LYPD6: variants seen among roughly 807,000 people sequenced by gnomAD.
LYPD6 encodes ly6/PLAUR domain-containing protein 6.
In LYPD6, 15 loss-of-function variants were observed where a neutral mutation model predicts 22.7. The ratio of observed to expected loss-of-function variants is 0.66; its 90% CI spans 0.44 to 1.02. The LOEUF (loss-of-function observed/expected upper bound fraction) is 1.02. LYPD6 is among the 50% of genes least tolerant of loss of function. The pLI, the probability that LYPD6 is intolerant of heterozygous loss-of-function variation, is 0.00. For synonymous variants in LYPD6, 72 were observed against 77.5 expected (o/e 0.93, Z 0.37); for missense variants, 189 against 208.4 (o/e 0.91, Z 0.57).
Position 149,425,387 on chromosome 2 carries a change from A to G in LYPD6, c.-71-12251A>G, listed in dbSNP as rs148007929. Reference sequence around the variant, plus strand: ...ATGCTAGAACTATTAACAATAATGTATATAACAGATACTGTTATCTATGCC... The same window carrying G: ...ATGCTAGAACTATTAACAATAATGTGTATAACAGATACTGTTATCTATGCC... On this transcript the variant is annotated intron_variant, in intron 1 of 4. Coordinates refer to ENST00000334166, the MANE Select transcript of LYPD6 (RefSeq NM_194317.5). Among the ~76,000 whole-genome samples, 194 of 152,376 alleles carry G rather than the reference A, an allele frequency of 1.3e-3. 2 individuals carry two copies. The highest frequency in any genetic ancestry group is 6.0e-4 in the Non-Finnish European group (41 of 68,040).
chr2:149,398,413 TTGTGTG>T (rs10584410), intron 1 of LYPD6, among the ~76,000 whole-genome samples: 2,053 of 147,012 alleles, frequency 0.014, 24 homozygotes, highest in African/African-American at 0.032. Flanking sequence ...AAAGATGGCT[TTGTGTG>T]TGTGTGTGTG....
intron 1 of LYPD6, among the ~76,000 whole-genome samples, chr2:149,352,314 A>G (rs1328270419): frequency 1.3e-5 from 2 of 152,112 alleles, no homozygotes; most frequent in Non-Finnish European, 2.9e-5. Flanking sequence ...AACTGGTGGT[A>G]TTTCTTTTTA....
intron 1 of LYPD6, among the ~76,000 whole-genome samples, chr2:149,331,979 T>A (rs1041150798): frequency 1.3e-5 from 2 of 152,204 alleles, no homozygotes; most frequent in Non-Finnish European, 2.9e-5. Context: ...TGTTTAAAAT[T>A]TTGGATCTGC....
chr2:149,359,555 G>C (rs1681529548), intron 1 of LYPD6, among the ~76,000 whole-genome samples: 1 of 152,120 alleles, frequency 6.6e-6, no homozygotes. Flanking sequence ...CTTCACAGTT[G>C]GTGAAACCAA....
chr2:149,359,635 G>A (rs1681531475), intron 1 of LYPD6, among the ~76,000 whole-genome samples: 1 of 152,212 alleles, frequency 6.6e-6, no homozygotes, highest in African/African-American at 2.4e-5. Flanking sequence ...AGGACCAGAA[G>A]CCAGGTCCTT....
chr2:149,400,385 CTGTA>C (rs1420483357), intron 1 of LYPD6, among the ~76,000 whole-genome samples: 10 of 152,262 alleles, frequency 6.6e-5, no homozygotes, highest in Admixed American at 5.9e-4. Flanking sequence ...AGACTGGTGA[CTGTA>C]TGTGAGAAAA....
chr2:149,476,342 T>C (rs969003468), downstream of LYPD6, among the ~76,000 whole-genome samples: 3 of 152,178 alleles, frequency 2.0e-5, no homozygotes, highest in Non-Finnish European at 2.9e-5. Flanking sequence ...AAAAATATTC[T>C]GGGAAAATAA....
At chr2:149,415,749 G>A (rs1682948509) in intron 1 of LYPD6, among the ~76,000 whole-genome samples, 1 of 152,022 alleles carries the variant, frequency 6.6e-6, no homozygotes, top group African/African-American at 2.4e-5. Flanking sequence ...TCACTGCAGC[G>A]TCAACCTCCT....
At chr2:149,423,514 A>G (rs1212523181) in intron 1 of LYPD6, among the ~76,000 whole-genome samples, 2 of 152,056 alleles carry the variant, frequency 1.3e-5, no homozygotes, top group African/African-American at 2.4e-5. Flanking sequence ...TAGAGTTGCT[A>G]TGTTTCTGCT....
intron 1 of LYPD6, among the ~76,000 whole-genome samples, chr2:149,435,546 G>A (rs192548116): frequency 2.7e-4 from 41 of 152,326 alleles, no homozygotes; most frequent in African/African-American, 9.1e-4. Context: ...CACCATGCTG[G>A]CAGAGAAAAG....
At chr2:149,349,280 A>G (rs368506978) in intron 1 of LYPD6, among the ~76,000 whole-genome samples, 3 of 152,156 alleles carry the variant, frequency 2.0e-5, no homozygotes, top group Admixed American at 6.5e-5. Context: ...TCTGTCAGAG[A>G]CAGAGTGAAG....
At chr2:149,464,030 A>G (rs1381043624) in intron 3 of LYPD6, 1 of 364,778 alleles carries the variant, frequency 2.7e-6, no homozygotes, top group Non-Finnish European at 5.3e-6. Context: ...GAAACTAGGT[A>G]AAAGGTGTAG....
intron 1 of LYPD6, among the ~76,000 whole-genome samples, chr2:149,381,427 CTG>C (rs956447295): frequency 6.6e-6 from 1 of 152,130 alleles, no homozygotes; most frequent in African/African-American, 2.4e-5. Context: ...AGTTCATCCT[CTG>C]TAACAGGAGG....
chr2:149,418,561 T>C (rs1683013538), intron 1 of LYPD6, among the ~76,000 whole-genome samples: 1 of 150,784 alleles, frequency 6.6e-6, no homozygotes, highest in Admixed American at 6.6e-5. Context: ...TTCTAACATA[T>C]GGAAACACTT....
At chr2:149,416,271 G>T (rs1682960296) in intron 1 of LYPD6, among the ~76,000 whole-genome samples, 1 of 152,178 alleles carries the variant, frequency 6.6e-6, no homozygotes, top group Non-Finnish European at 1.5e-5. Flanking sequence ...GGTGGGTCTT[G>T]CTGGCTTACT....
intron 1 of LYPD6, among the ~76,000 whole-genome samples, chr2:149,363,621 G>A (rs1681609513): frequency 1.3e-5 from 2 of 152,280 alleles, no homozygotes; most frequent in South Asian, 4.2e-4. Context: ...GTAAATGTGG[G>A]CAAGTCAGCT....
At chr2:149,357,793 T>C (rs975355298) in intron 1 of LYPD6, among the ~76,000 whole-genome samples, 8 of 151,214 alleles carry the variant, frequency 5.3e-5, no homozygotes, top group Non-Finnish European at 1.2e-4. Flanking sequence ...TGCTTTTTTT[T>C]TTTTTTTTTT....
At chr2:149,403,577 T>G (rs1190872788) in intron 1 of LYPD6, among the ~76,000 whole-genome samples, 2 of 135,266 alleles carry the variant, frequency 1.5e-5, no homozygotes, top group Non-Finnish European at 3.1e-5. Flanking sequence ...TTGATGGGGT[T>G]GTTTGTTTTT....
chr2:149,394,053 A>G (rs1158818383), intron 1 of LYPD6, among the ~76,000 whole-genome samples: 1 of 152,226 alleles, frequency 6.6e-6, no homozygotes, highest in African/African-American at 2.4e-5. Context: ...AAATTCGGTC[A>G]TTAGCTTACA....
Sources: allele counts gnomAD v4.1 joint callset (sites outside exome capture counted in the v4.1 genomes callset), GRCh38; gene constraint gnomAD v4.1.1; transcripts MANE v1.5; gene names NCBI Gene and HGNC (gene_info 2026-07-23, HGNC 2026-07-21).